UBTD2: variants seen among roughly 807,000 people sequenced by gnomAD.
The protein encoded by UBTD2 is ubiquitin domain-containing protein 2.
UBTD2 carries 9 observed loss-of-function variants against 19.8 expected under a neutral mutation model. The observed-to-expected ratio is 0.46, with a 90% confidence interval of 0.27 to 0.79. The LOEUF is 0.79. Among genes scored for constraint, UBTD2 ranks in the 30% least tolerant of loss-of-function variants. The pLI, the probability that UBTD2 is intolerant of heterozygous loss-of-function variation, is 0.14. For synonymous variants in UBTD2, 98 were observed against 103.9 expected (o/e 0.94, Z 0.35); for missense variants, 250 against 300.4 (o/e 0.83, Z 1.24).
chr5:172,222,287 A>G (rs1771666452), intron 2 of UBTD2, among the ~76,000 whole-genome samples: 1 of 152,202 alleles, frequency 6.6e-6, no homozygotes, highest in Admixed American at 6.5e-5. Flanking sequence ...CTAAAGACAA[A>G]GCTGCACTGA....
chr5:172,259,055 C>G (rs1224956146), intron 1 of UBTD2, among the ~76,000 whole-genome samples: 1 of 152,080 alleles, frequency 6.6e-6, no homozygotes, highest in Non-Finnish European at 1.5e-5. Context: ...CAGCTTTTAC[C>G]CATTCAGTAT....
intron 2 of UBTD2, among the ~76,000 whole-genome samples, chr5:172,223,471 C>T (rs1436096409): frequency 6.6e-6 from 1 of 150,934 alleles, no homozygotes; most frequent in Non-Finnish European, 1.5e-5. Context: ...TGGTGGCACG[C>T]TCCTGTAATC....
At chr5:172,250,932 T>C (rs1446486369) in intron 1 of UBTD2, among the ~76,000 whole-genome samples, 1 of 8,186 alleles carries the variant, frequency 1.2e-4, no homozygotes, top group Non-Finnish European at 1.8e-4. Context: ...AGACCCTGTC[T>C]CAAAAAAAAA....
At chr5:172,248,122 G>C (rs899690866) in intron 1 of UBTD2, among the ~76,000 whole-genome samples, 1 of 152,060 alleles carries the variant, frequency 6.6e-6, no homozygotes, top group South Asian at 2.1e-4. Context: ...ATGAATAGAA[G>C]TGAACACAAA....
At chr5:172,269,802 G>A (rs1448945380) in intron 1 of UBTD2, among the ~76,000 whole-genome samples, 2 of 150,616 alleles carry the variant, frequency 1.3e-5, no homozygotes, top group African/African-American at 4.9e-5. Context: ...GGTAGGCCAG[G>A]CACGGTGGCT....
intron 1 of UBTD2, among the ~76,000 whole-genome samples, chr5:172,270,293 C>A (rs1388509930): frequency 5.3e-5 from 8 of 150,478 alleles, no homozygotes; most frequent in African/African-American, 2.0e-4. Context: ...TGTGATAATA[C>A]AGACTGAGTA....
At chr5:172,257,801 C>G (rs1410864431) in intron 1 of UBTD2, among the ~76,000 whole-genome samples, 3 of 152,208 alleles carry the variant, frequency 2.0e-5, no homozygotes, top group Non-Finnish European at 4.4e-5. Context: ...TTGTTAGCCA[C>G]AGGAATGTCT....
chr5:172,281,637 T>TA (rs1392817914), intron 1 of UBTD2, among the ~76,000 whole-genome samples: 2 of 152,114 alleles, frequency 1.3e-5, no homozygotes, highest in Non-Finnish European at 2.9e-5. Flanking sequence ...AGCAATAATT[T>TA]TTTTTATATG....
chr5:172,255,565 G>C, intron 1 of UBTD2: 1 of 259,302 alleles, frequency 3.9e-6, no homozygotes, highest in Non-Finnish European at 7.9e-6. Context: ...TCAGGGTTCC[G>C]GGCGGCGTTG....
chr5:172,244,261 A>C (rs1434717285), intron 1 of UBTD2, among the ~76,000 whole-genome samples: 1 of 151,424 alleles, frequency 6.6e-6, no homozygotes, highest in Non-Finnish European at 1.5e-5. Context: ...TTGATGAATC[A>C]ATTTATCGCA....
rs1449635240 is a variant in UBTD2 at position 172,211,474 on chromosome 5, A to G, written c.*356T>C. ...TTTTTCTAAAAAAATTCTGTATTCA[A>G]AAAGGTGCTTGGTGCTGTCCTTCAT... On this transcript the variant is annotated 3_prime_UTR_variant, in exon 3 of 3. Coordinates refer to ENST00000393792, the MANE Select transcript of UBTD2 (RefSeq NM_152277.3). 5.6e-6 allele frequency: 1 copy of G among 178,994 alleles called. No homozygotes were observed. The highest frequency in any genetic ancestry group is 1.2e-5 in the Non-Finnish European group (1 of 86,264). The allele number at this position is 178,994 out of a possible 1,614,324, so 11.1% of individuals were successfully genotyped here. A position where few individuals can be genotyped will look rare whatever the true frequency, so the allele number is the denominator to read the frequency against.
intron 1 of UBTD2, among the ~76,000 whole-genome samples, chr5:172,274,403 T>G (rs900035138): frequency 6.6e-6 from 1 of 152,052 alleles, no homozygotes; most frequent in Non-Finnish European, 1.5e-5. Context: ...CCTCCCAAAG[T>G]GCTGGGATTA....
intron 1 of UBTD2, among the ~76,000 whole-genome samples, chr5:172,256,660 C>T (rs562138289): frequency 3.3e-5 from 5 of 152,012 alleles, no homozygotes; most frequent in African/African-American, 1.2e-4. Flanking sequence ...GTGGTTCACA[C>T]CTGTAATCCC....
At chr5:172,223,448 A>G (rs1285921075) in intron 2 of UBTD2, among the ~76,000 whole-genome samples, 1 of 151,686 alleles carries the variant, frequency 6.6e-6, no homozygotes, top group African/African-American at 2.4e-5. Flanking sequence ...AAAATACAAA[A>G]ATTAGCCAGG....
Position 172,246,554 on chromosome 5 carries a change from C to G in UBTD2, c.71-12196G>C, listed in dbSNP as rs763955366. On this transcript the variant is annotated intron_variant, in intron 1 of 2. Transcript: ENST00000393792. ...CCGCCTCCCAGGTCCAAGCAGTTCT[C>G]CTGCCTCAGCCTCCCAAAAGCTGGG... 5.5e-4 allele frequency among the ~76,000 whole-genome samples: 82 copies of G among 149,692 alleles called. 1 individual carries two copies. Among genetic ancestry groups the G allele is most frequent in the Admixed American group, 4.7e-4 (7 of 14,784 alleles).
intron 1 of UBTD2, among the ~76,000 whole-genome samples, chr5:172,280,187 A>G (rs945554581): frequency 2.0e-5 from 3 of 151,068 alleles, no homozygotes; most frequent in Non-Finnish European, 4.4e-5. Context: ...CTTCTATGAC[A>G]TACCTGTCTT....
intron 2 of UBTD2, among the ~76,000 whole-genome samples, chr5:172,224,303 T>TC (rs1771718097): frequency 6.7e-6 from 1 of 148,396 alleles, no homozygotes; most frequent in Non-Finnish European, 1.5e-5. Flanking sequence ...CATTTCTTTT[T>TC]TTTTTTTTTT....
intron 1 of UBTD2, among the ~76,000 whole-genome samples, chr5:172,274,355 G>C (rs956820797): frequency 1.3e-5 from 2 of 151,734 alleles, no homozygotes; most frequent in African/African-American, 4.8e-5. Flanking sequence ...TGGCCAGGAT[G>C]GTCTTGATCT....
intron 1 of UBTD2, among the ~76,000 whole-genome samples, chr5:172,278,595 G>T (rs1581236928): frequency 2.0e-5 from 3 of 151,532 alleles, no homozygotes; most frequent in East Asian, 1.9e-4. Flanking sequence ...ACAAATACAT[G>T]CTACAACAGG....
Sources: gnomAD v4.1 joint callset for allele counts (sites outside exome capture counted in the v4.1 genomes callset) on GRCh38, gnomAD v4.1.1 for gene constraint, MANE v1.5 for transcripts, NCBI Gene and HGNC (gene_info 2026-07-23, HGNC 2026-07-21) for gene names.